The following TSPAN7 variants were observed in gnomAD, a reference collection of about 807,000 sequenced individuals.
TSPAN7 encodes tetraspanin 7, also known as tetraspanin-7.
In TSPAN7, 1 loss-of-function variant was observed where a neutral mutation model predicts 17.6. That is an observed-to-expected ratio of 0.06 (90% CI 0.02 to 0.27). The LOEUF (loss-of-function observed/expected upper bound fraction) is 0.27. Ranked by LOEUF, TSPAN7 falls within the 10% of genes least tolerant of loss-of-function variation. The probability of loss-of-function intolerance (pLI) is 1.00; values close to 1 mark genes in which losing one functional copy is unlikely to be tolerated. For missense variants in TSPAN7, 112 were observed against 201.7 expected (o/e 0.56, Z 2.69); for synonymous variants, 78 against 79.0 (o/e 0.99, Z 0.07).
At chrX:38,633,373 C>T (rs1024310194) in intron 1 of TSPAN7, among the ~76,000 whole-genome samples, 1 of 111,583 alleles carries the variant, frequency 9.0e-6, no homozygotes. Flanking sequence ...ATAATAGAAG[C>T]TATATACACA....
rs763721989 is a variant in TSPAN7 at position 38,646,147 on chromosome X, A to T, written c.82-19974A>T. ...TAGTAATAGTTGGTGTACTTTCTAT[A>T]AAAAAAAAACCTGTAAATACATTAA... On this transcript the variant is annotated intron_variant, in intron 1 of 7. Coordinates refer to ENST00000378482, the MANE Select transcript of TSPAN7 (RefSeq NM_004615.4). 1.6e-4 allele frequency: 80 copies of T among 489,099 alleles called. No individual in the cohort carries two copies. In the African/African-American group the frequency reaches 2.0e-3, roughly 12 times the overall value. The allele number at this position is 489,099 out of a possible 1,213,427, so 40.3% of individuals were successfully genotyped here.
At position 38,659,861 on chromosome X, in the gene TSPAN7, C is replaced by G. The variant is rs192514753; in HGVS notation, c.82-6260C>G. On this transcript the variant is annotated intron_variant, in intron 1 of 7. Transcript: ENST00000378482. ...TTTTTTTTTGAGACAGAGTAAAGCT[C>G]TGTCACCCAGGCTGGAGTACAGTGG... is the stretch of plus-strand genomic sequence containing the variant. Among the ~76,000 whole-genome samples, 9 of 86,443 alleles carry G rather than the reference C, an allele frequency of 1.0e-4. No individual in the cohort carries two copies. The East Asian group carries it at 3.3e-3, about 32-fold the overall frequency. The allele number at this position is 86,443 out of a possible 115,157, so 75.1% of individuals were successfully genotyped here. A position where few individuals can be genotyped will look rare whatever the true frequency, so the allele number is the denominator to read the frequency against.
intron 1 of TSPAN7, chrX:38,562,920 C>A: frequency 1.1e-6 from 1 of 880,890 alleles, no homozygotes; most frequent in Non-Finnish European, 1.4e-6. Flanking sequence ...TTCTTGCACC[C>A]CTCACCCCCG....
chrX:38,635,873 C>T (rs2069577549), intron 1 of TSPAN7, among the ~76,000 whole-genome samples: 2 of 111,320 alleles, frequency 1.8e-5, no homozygotes, highest in African/African-American at 6.5e-5. Flanking sequence ...GCTATGTGGG[C>T]CCTTCCAGTT....
intron 1 of TSPAN7, among the ~76,000 whole-genome samples, chrX:38,651,666 C>A (rs1197363974): frequency 8.9e-6 from 1 of 111,868 alleles, no homozygotes; most frequent in African/African-American, 3.3e-5. Flanking sequence ...ATGTATCCTG[C>A]AGGAGCAAGC....
At chrX:38,567,946 G>A (rs2069152033) in intron 1 of TSPAN7, among the ~76,000 whole-genome samples, 1 of 111,785 alleles carries the variant, frequency 8.9e-6, no homozygotes, top group Non-Finnish European at 1.9e-5. Flanking sequence ...GCCATGTAGT[G>A]TGTATATTAT....
intron 1 of TSPAN7, among the ~76,000 whole-genome samples, chrX:38,664,835 C>T (rs892878047): frequency 1.8e-5 from 2 of 112,014 alleles, no homozygotes; most frequent in African/African-American, 6.5e-5. Context: ...AGGTAAAGCT[C>T]ACACTTACCT....
intron 1 of TSPAN7, among the ~76,000 whole-genome samples, chrX:38,630,953 C>T (rs2069547196): frequency 1.8e-5 from 2 of 112,303 alleles, no homozygotes; most frequent in Admixed American, 1.9e-4. Flanking sequence ...TCCATTTATA[C>T]ATTTCTTTGA....
intron 5 of TSPAN7, among the ~76,000 whole-genome samples, chrX:38,679,643 T>C (rs1241489079): frequency 1.9e-5 from 2 of 103,689 alleles, no homozygotes; most frequent in African/African-American, 7.2e-5. Flanking sequence ...GTACTAAAAA[T>C]ACAAAAATTA....
rs1602124034 is a variant in TSPAN7, at chrX:38,675,804, T to G, written c.541T>G (p.Cys181Gly). The change falls in exon 5 of 8, where the codon TGT becomes GGT. Residue 181 changes from cysteine (C) to glycine (G), a missense_variant. Coordinates refer to ENST00000378482, the MANE Select transcript of TSPAN7 (RefSeq NM_004615.4). ...PPSCCMNETD[C>G]NPQDLHNLTV... ...CAGCTGCTGCATGAACGAAACTGAT[T>G]GTAATCCCCAGGATCTACACAATCT... is the stretch of plus-strand genomic sequence containing the variant. The G allele has an allele frequency of 8.4e-7, 1 of 1,190,426 alleles. No individual in the cohort carries two copies. Among genetic ancestry groups the G allele is most frequent in the Non-Finnish European group, 1.1e-6 (1 of 885,714 alleles).
At chrX:38,662,297 A>G (rs899380066) in intron 1 of TSPAN7, among the ~76,000 whole-genome samples, 15 of 111,986 alleles carry the variant, frequency 1.3e-4, no homozygotes, top group Non-Finnish European at 2.6e-4. Context: ...TCTGGTCCAG[A>G]GTGGCATTCT....
chrX:38,603,063 T>C (rs1217782616), intron 1 of TSPAN7, among the ~76,000 whole-genome samples: 1 of 112,072 alleles, frequency 8.9e-6, no homozygotes, highest in Non-Finnish European at 1.9e-5. Flanking sequence ...ATATGAAGAA[T>C]TCTTACAAGT....
chrX:38,631,640 G>A (rs1030711768), intron 1 of TSPAN7, among the ~76,000 whole-genome samples: 1 of 111,471 alleles, frequency 9.0e-6, no homozygotes, highest in African/African-American at 3.3e-5. Flanking sequence ...GGGTTTTCTG[G>A]GAATGCACAT....
Position 38,621,183 on chromosome X carries a change from C to T in TSPAN7, c.82-44938C>T, listed in dbSNP as rs527637527. ...GGTTTGGAAAGACATTTTAATTTACCCTTAGAATACACAACTTTACTGATT... is the reference window on the plus strand; with the variant it reads ...GGTTTGGAAAGACATTTTAATTTACTCTTAGAATACACAACTTTACTGATT... On this transcript the variant is annotated intron_variant, in intron 1 of 7. Transcript: ENST00000378482. Among the ~76,000 whole-genome samples the T allele has an allele frequency of 4.5e-5, 5 of 111,957 alleles. No homozygotes were observed. In the South Asian group the frequency reaches 1.9e-3, roughly 42 times the overall value.
At chrX:38,674,879 G>A (rs992783334) in intron 4 of TSPAN7, among the ~76,000 whole-genome samples, 4 of 111,614 alleles carry the variant, frequency 3.6e-5, no homozygotes, top group African/African-American at 1.3e-4. Context: ...TGCCCATCAG[G>A]AATCACTAAG....
chrX:38,686,131 T>C (rs1170996515), intron 6 of TSPAN7, among the ~76,000 whole-genome samples: 8 of 112,755 alleles, frequency 7.1e-5, no homozygotes, highest in Admixed American at 5.6e-4. Context: ...AGTAAGTGCA[T>C]GCGACTATGT....
intron 1 of TSPAN7, among the ~76,000 whole-genome samples, chrX:38,621,074 T>G (rs1214547022): frequency 8.9e-6 from 1 of 111,945 alleles, no homozygotes; most frequent in Non-Finnish European, 1.9e-5. Context: ...CAAACAAAAT[T>G]ATAGTCTTGT....
intron 1 of TSPAN7, among the ~76,000 whole-genome samples, chrX:38,614,662 T>G (rs1336712034): frequency 8.9e-6 from 1 of 112,903 alleles, no homozygotes; most frequent in African/African-American, 3.2e-5. Context: ...TTTCCCCAGC[T>G]GCAGGGACTC....
Position 38,666,322 on chromosome X carries a change from C to G in TSPAN7, c.270+13C>G, listed in dbSNP as rs760427220. On this transcript the variant is annotated intron_variant, in intron 2 of 7. Coordinates refer to ENST00000378482, the MANE Select transcript of TSPAN7 (RefSeq NM_004615.4). ...GATGCTGAAACTGGTGAGTATGTCA[C>G]AACATAATACTGCTTTCTCAACTAT... 7 of 1,198,909 alleles carry G rather than the reference C, an allele frequency of 5.8e-6. No homozygotes were observed. The highest frequency in any genetic ancestry group is 6.8e-6 in the Non-Finnish European group (6 of 883,876).
Sources: gnomAD v4.1 joint callset for allele counts (sites outside exome capture counted in the v4.1 genomes callset) on GRCh38, gnomAD v4.1.1 for gene constraint, MANE v1.5 for transcripts, NCBI Gene and HGNC (gene_info 2026-07-23, HGNC 2026-07-21) for gene names.